NF1: variants seen among roughly 807,000 people sequenced by gnomAD.
NF1 encodes neurofibromin 1.
NF1 carries 122 observed loss-of-function variants against 325.7 expected under a neutral mutation model. The ratio of observed to expected loss-of-function variants is 0.37; its 90% CI spans 0.32 to 0.44. NF1 has a LOEUF of 0.44. Among genes scored for constraint, NF1 ranks in the 20% least tolerant of loss-of-function variants. NF1 has a pLI of 1.00. For missense variants in NF1, 2,140 were observed against 3,415.4 expected, an observed-to-expected ratio of 0.63 and a Z score of 9.31; for synonymous variants, 1,091 against 1,186.0, an observed-to-expected ratio of 0.92 and a Z score of 1.65.
intron 57 of NF1, among the ~76,000 whole-genome samples, chr17:31,373,776 G>A (rs893456893): frequency 6.6e-6 from 1 of 152,160 alleles, no homozygotes; most frequent in Non-Finnish European, 1.5e-5. Context: ...ACACAATATG[G>A]TAACCTGCTG....
At chr17:31,305,191 T>TTTG (rs2151509895) in intron 36 of NF1, 1 of 1,614,110 alleles carries the variant, frequency 6.2e-7, no homozygotes, top group East Asian at 2.2e-5. Flanking sequence ...GACAAATGAC[T>TTTG]TTGGTGGTTG....
chr17:31,100,008 T>TAAAAAAAAAA (rs71142016), intron 1 of NF1, among the ~76,000 whole-genome samples: 1 of 130,788 alleles, frequency 7.6e-6, no homozygotes, highest in African/African-American at 3.2e-5. Context: ...ATATTTGAAC[T>TAAAAAAAAAA]AAAAAAAAAA....
chr17:31,232,246 A>G, intron 25 of NF1, 57 bp downstream of exon 25: 2 of 1,053,374 alleles, frequency 1.9e-6, no homozygotes, highest in Non-Finnish European at 1.5e-6. Context: ...CCCCCACCAC[A>G]CAAAAAAAGC....
In NF1 at chr17:31,230,250, G is replaced by T. The variant is rs2067089673; in HGVS notation, c.2991-10G>T. ...CTGATAATTTTTTTATTGTTTCTAT[G>T]TCTATATAGGTATGTTCGTGTGCTT... is the stretch of plus-strand genomic sequence containing the variant. On this transcript the variant is annotated splice_polypyrimidine_tract_variant and intron_variant, in intron 22 of 57. Transcript: ENST00000358273. The T allele has an allele frequency of 1.2e-6, 2 of 1,612,340 alleles. No individual in the cohort carries two copies. Among genetic ancestry groups the T allele is most frequent in the East Asian group, 4.5e-5 (2 of 44,732 alleles).
chr17:31,370,543 T>C lies in NF1; in HGVS notation c.8378-3470T>C, dbSNP rs558532466. ...AATTATTTGAGGTTTGACGGTTATT[T>C]GCTTCACAAAACAGAAAGTGGAATG... On this transcript the variant is annotated intron_variant, in intron 57 of 57. Coordinates refer to ENST00000358273, the MANE Select transcript of NF1 (RefSeq NM_001042492.3). Among the ~76,000 whole-genome samples the C allele has an allele frequency of 4.6e-5, 7 of 152,352 alleles. No individual in the cohort carries two copies. The East Asian group carries it at 1.4e-3, about 29-fold the overall frequency.
chr17:31,131,713 AT>A (rs1251521951), intron 1 of NF1, among the ~76,000 whole-genome samples: 3 of 152,056 alleles, frequency 2.0e-5, no homozygotes, highest in Non-Finnish European at 4.4e-5. Context: ...ACTTGCTGAT[AT>A]TTTGTTTAGG....
At chr17:31,191,198 C>T (rs17885832) in intron 8 of NF1, among the ~76,000 whole-genome samples, 285 of 152,190 alleles carry the variant, frequency 1.9e-3, no homozygotes, top group African/African-American at 6.6e-3. Context: ...ATATTTATCT[C>T]TGTGAATATT....
intron 16 of NF1, 134 bp downstream of exon 16, chr17:31,223,701 A>G (rs1192201494): frequency 8.5e-6 from 7 of 826,174 alleles, no homozygotes; most frequent in Non-Finnish European, 1.4e-5. Flanking sequence ...AAAAGGAAAT[A>G]TGTATGCAGA....
chr17:31,253,040 G>A (rs1381910699), intron 31 of NF1, 40 bp downstream of exon 31: 1 of 1,520,934 alleles, frequency 6.6e-7, no homozygotes, highest in Non-Finnish European at 9.1e-7. Flanking sequence ...TTCTTTCAAA[G>A]CAAAACAAAA....
At chr17:31,114,595 G>A (rs1286901595) in intron 1 of NF1, among the ~76,000 whole-genome samples, 1 of 151,138 alleles carries the variant, frequency 6.6e-6, no homozygotes, top group Admixed American at 6.6e-5. Flanking sequence ...GGTGGCTCAC[G>A]CCTGTAATCC....
At chr17:31,356,621 G>A (rs2151581502) in intron 52 of NF1, 39 bp downstream of exon 52, 1 of 1,611,654 alleles carries the variant, frequency 6.2e-7, no homozygotes, top group Middle Eastern at 1.7e-4. Flanking sequence ...TTGAAAATAA[G>A]GTGGGAGAGT....
chr17:31,269,227 A>G (rs1236413302), intron 36 of NF1, among the ~76,000 whole-genome samples: 2 of 152,124 alleles, frequency 1.3e-5, no homozygotes, highest in African/African-American at 4.8e-5. Context: ...TGTCTGTCCC[A>G]TTGACTCCCT....
intron 11 of NF1, among the ~76,000 whole-genome samples, chr17:31,205,176 A>G (rs17883301): frequency 6.6e-6 from 1 of 152,134 alleles, no homozygotes; most frequent in African/African-American, 2.4e-5. Context: ...ATGCTATTCA[A>G]AATATTCTGA....
At chr17:31,359,169 G>A in intron 56 of NF1, 154 bp downstream of exon 56, 1 of 674,536 alleles carries the variant, frequency 1.5e-6, no homozygotes, top group Non-Finnish European at 2.5e-6. Context: ...CTCATCACAA[G>A]GTTTTTTTCC....
chr17:31,228,845 T>A (rs1597714880), intron 20 of NF1, among the ~76,000 whole-genome samples, 180 bp from the exon 21 acceptor site: 1 of 152,354 alleles, frequency 6.6e-6, no homozygotes, highest in African/African-American at 2.4e-5. Context: ...TATTAGTGTA[T>A]GATAAAAATA....
intron 48 of NF1, chr17:31,346,242 T>C: frequency 6.2e-7 from 1 of 1,607,234 alleles, no homozygotes; most frequent in Non-Finnish European, 8.5e-7. Context: ...CAGTAGTGTG[T>C]GTAGTATTGG....
chr17:31,268,122 C>T (rs1329305764), intron 36 of NF1, among the ~76,000 whole-genome samples: 1 of 152,212 alleles, frequency 6.6e-6, no homozygotes, highest in African/African-American at 2.4e-5. Flanking sequence ...TCATGATTTT[C>T]ATCTTTCTGT....
chr17:31,358,771 T>C (rs1425264040), intron 55 of NF1, 149 bp downstream of exon 55: 1 of 1,184,906 alleles, frequency 8.4e-7, no homozygotes, highest in African/African-American at 1.5e-5. Flanking sequence ...CTCAACTGTA[T>C]GTCCAATGTA....
chr17:31,359,472 GT>G, intron 56 of NF1: 1 of 189,994 alleles, frequency 5.3e-6, no homozygotes, highest in Non-Finnish European at 1.1e-5. Flanking sequence ...TTGTTTGTTT[GT>G]TTTGTGAGAC....
Sources: allele counts gnomAD v4.1 joint callset (sites outside exome capture counted in the v4.1 genomes callset), GRCh38; gene constraint gnomAD v4.1.1; transcripts MANE v1.5; gene names NCBI Gene and HGNC (gene_info 2026-07-23, HGNC 2026-07-21).